FSTL4: variants seen among roughly 807,000 people sequenced by gnomAD.
The protein encoded by FSTL4 is follistatin-related protein 4.
Under a neutral mutation model 78.2 loss-of-function variants are expected in FSTL4, and 28 were observed. The observed-to-expected ratio is 0.36, with a 90% CI of 0.27 to 0.49. The LOEUF is 0.49. FSTL4 is among the 20% of genes least tolerant of loss of function. FSTL4 has a pLI of 0.98. For missense variants in FSTL4, 922 were observed against 1,084.9 expected, an observed-to-expected ratio of 0.85 and a Z score of 2.11; for synonymous variants, 422 against 440.5, an observed-to-expected ratio of 0.96 and a Z score of 0.53.
chr5:133,420,740 G>C (rs1244072487), intron 3 of FSTL4, among the ~76,000 whole-genome samples: 2 of 152,226 alleles, frequency 1.3e-5, no homozygotes, highest in East Asian at 1.9e-4. Context: ...TGGGCCCTCT[G>C]TTCATGGCTG....
rs1479863020 is a variant in FSTL4 at position 133,225,796 on chromosome 5, G to T, written c.1039C>A (p.Pro347Thr). 1.3e-6 allele frequency: 2 copies of T among 1,592,490 alleles called. No individual in the cohort carries two copies. The highest frequency in any genetic ancestry group is 4.5e-5 in the East Asian group (2 of 44,422). ...VNVPPVIRVY[P>T]ESQAQEPGVA... ...CCAGGCTCCTGTGCCTGGCTCTCTG[G>T]ATAGACACGGATGACTGGCGGCACT... The change falls in exon 9 of 16, where the codon CCA (proline) becomes ACA (threonine). Residue 347 changes from proline to threonine, a missense_variant. Physicochemically the swap from Pro to Thr is conservative, Grantham distance 38 (BLOSUM62 -1). Coordinates refer to ENST00000265342, the MANE Select transcript of FSTL4 (RefSeq NM_015082.2). This position sits in a 1 kb window ranked among gnomAD's most constrained non-coding sequence, Gnocchi z 4.6.
chr5:133,511,475 C>T (rs1386109983), intron 3 of FSTL4, among the ~76,000 whole-genome samples: 1 of 152,150 alleles, frequency 6.6e-6, no homozygotes, highest in African/African-American at 2.4e-5. Flanking sequence ...ATAAGTAGCT[C>T]CAGGCAGCCA....
intron 2 of FSTL4, among the ~76,000 whole-genome samples, chr5:133,576,731 C>T (rs1004708483): frequency 4.6e-5 from 7 of 152,194 alleles, no homozygotes; most frequent in Non-Finnish European, 7.3e-5. Flanking sequence ...AGGAAGCCCA[C>T]GTGTCCAATT....
the FSTL4 span, among the ~76,000 whole-genome samples, chr5:133,778,504 A>G: frequency 9.9e-5 from 15 of 152,166 alleles, no homozygotes; most frequent in African/African-American, 2.7e-4. Context: ...ACTCAACCCA[A>G]TTGCAGCCAA....
intron 4 of FSTL4, among the ~76,000 whole-genome samples, chr5:133,368,731 G>A (rs1348713358): frequency 6.6e-6 from 1 of 152,144 alleles, no homozygotes; most frequent in Non-Finnish European, 1.5e-5. Flanking sequence ...AGAACCGGTG[G>A]GTAGTCATTC....
chr5:133,680,384 C>G, the FSTL4 span, among the ~76,000 whole-genome samples: 5 of 152,152 alleles, frequency 3.3e-5, no homozygotes, highest in Non-Finnish European at 5.9e-5. Flanking sequence ...TGAGCCAGCT[C>G]CAAACACAGG....
chr5:133,269,969 C>T (rs1752732738), intron 6 of FSTL4: 1 of 152,242 alleles, frequency 6.6e-6, no homozygotes, highest in South Asian at 2.1e-4. Flanking sequence ...TCTCTCCTTT[C>T]CTCTCAAGTT....
chr5:133,392,693 C>A (rs1434719762), intron 4 of FSTL4, among the ~76,000 whole-genome samples: 1 of 152,028 alleles, frequency 6.6e-6, no homozygotes, highest in South Asian at 2.1e-4. Flanking sequence ...CTCCTCTGGG[C>A]TTTAGGATGA....
intron 3 of FSTL4, among the ~76,000 whole-genome samples, chr5:133,525,557 C>T (rs1759077436): frequency 6.6e-6 from 1 of 152,212 alleles, no homozygotes. Context: ...CTCTGTTCTC[C>T]TGAGACTGGC....
At chr5:133,354,539 C>A (rs970051140) in intron 4 of FSTL4, among the ~76,000 whole-genome samples, 2 of 152,212 alleles carry the variant, frequency 1.3e-5, no homozygotes, top group African/African-American at 4.8e-5. Flanking sequence ...AATCCACACC[C>A]AGCAGTAACT....
intron 14 of FSTL4, chr5:133,202,422 C>T (rs1171561740): frequency 6.4e-6 from 1 of 157,368 alleles, no homozygotes; most frequent in African/African-American, 2.4e-5. Context: ...GCTCAGAGAC[C>T]ACCTCCTCTC....
intron 3 of FSTL4, among the ~76,000 whole-genome samples, chr5:133,520,398 C>T (rs1379895462): frequency 6.6e-6 from 1 of 151,942 alleles, no homozygotes; most frequent in Non-Finnish European, 1.5e-5. Context: ...AAGATGGGAA[C>T]CCCAGGGCTG....
chr5:133,602,197 C>T (rs1020842062), intron 2 of FSTL4, among the ~76,000 whole-genome samples: 1 of 152,148 alleles, frequency 6.6e-6, no homozygotes, highest in Non-Finnish European at 1.5e-5. Flanking sequence ...TCATCACCTC[C>T]CTTTCCTGAA....
intron 6 of FSTL4, among the ~76,000 whole-genome samples, chr5:133,264,687 C>T (rs1381029934): frequency 6.6e-6 from 1 of 152,196 alleles, no homozygotes; most frequent in East Asian, 1.9e-4. Flanking sequence ...TGGGACATTT[C>T]TCTCTCTCTT....
the FSTL4 span, among the ~76,000 whole-genome samples, chr5:133,780,707 C>T: frequency 6.6e-6 from 1 of 152,142 alleles, no homozygotes; most frequent in Admixed American, 6.5e-5. Flanking sequence ...TTCCTTACAA[C>T]CCATTTAATC....
In FSTL4 at chr5:133,467,155, TGA is replaced by T. The variant is rs1263560080; in HGVS notation, c.161-66171_161-66170del. ...GTGTGTGTGTATATGTGTATGTGTG[TGA>T]GAGTGAGTGTATGAGTGTGGGAGTA... is the stretch of plus-strand genomic sequence containing the variant. On this transcript the variant is annotated intron_variant, in intron 3 of 15. Transcript: ENST00000265342. 9.2e-5 allele frequency among the ~76,000 whole-genome samples: 14 copies of T among 151,842 alleles called. No homozygotes were observed. The South Asian group carries it at 1.7e-3, about 18-fold the overall frequency.
chr5:133,596,515 T>C (rs191495417), intron 2 of FSTL4, among the ~76,000 whole-genome samples: 3 of 152,322 alleles, frequency 2.0e-5, no homozygotes, highest in Admixed American at 1.3e-4. Flanking sequence ...CTTCAAAGTA[T>C]TTTAACAAAA....
chr5:133,459,304 C>T (rs1160927427), intron 3 of FSTL4, among the ~76,000 whole-genome samples: 1 of 152,018 alleles, frequency 6.6e-6, no homozygotes, highest in Non-Finnish European at 1.5e-5. Flanking sequence ...CCGTGCAGGG[C>T]AGCCCTTCCT....
intron 6 of FSTL4, among the ~76,000 whole-genome samples, chr5:133,304,656 AATGACT>A (rs1181220205): frequency 2.6e-5 from 4 of 152,220 alleles, no homozygotes; most frequent in Admixed American, 6.5e-5. Flanking sequence ...AGCTCCAGAC[AATGACT>A]AGAAAGTGCC....
Sources: gnomAD v4.1 joint callset for allele counts (sites outside exome capture counted in the v4.1 genomes callset) on GRCh38, gnomAD v4.1.1 for gene constraint, Gnocchi (gnomAD v3.1) non-coding constraint, MANE v1.5 for transcripts, NCBI Gene and HGNC (gene_info 2026-07-23, HGNC 2026-07-21) for gene names.